CACNA1C: variants seen among roughly 807,000 people sequenced by gnomAD.
The protein encoded by CACNA1C is voltage-dependent L-type calcium channel subunit alpha-1C.
Under a neutral mutation model 229.0 loss-of-function variants are expected in CACNA1C, and 30 were observed. The observed-to-expected ratio is 0.13, with a 90% CI of 0.10 to 0.18. The LOEUF (loss-of-function observed/expected upper bound fraction) is 0.18, where lower values mean the gene tolerates loss of function less well. CACNA1C is among the 10% of genes least tolerant of loss of function. The pLI is 1.00. For missense variants in CACNA1C, 1,658 were observed against 2,845.0 expected (o/e 0.58, Z 9.49); for synonymous variants, 1,114 against 1,132.5 (o/e 0.98, Z 0.33).
At chr12:2,226,633 T>C (rs2154356567) in intron 3 of CACNA1C, among the ~76,000 whole-genome samples, 1 of 152,356 alleles carries the variant, frequency 6.6e-6, no homozygotes, top group African/African-American at 2.4e-5. Flanking sequence ...CTTGCTGCTC[T>C]TAATAATTAC....
intron 3 of CACNA1C, among the ~76,000 whole-genome samples, chr12:2,316,231 C>T (rs1356098662): frequency 4.6e-5 from 7 of 152,344 alleles, no homozygotes; most frequent in African/African-American, 1.4e-4. Context: ...AATTTAATTC[C>T]ACCTTTGCCA....
At chr12:2,063,022 A>T (rs1365055047) in intron 1 of CACNA1C, among the ~76,000 whole-genome samples, 1 of 152,088 alleles carries the variant, frequency 6.6e-6, no homozygotes, top group Non-Finnish European at 1.5e-5. Context: ...CAATATTTTC[A>T]TCACCCGCAA....
rs1431941677 is a variant in CACNA1C, at chr12:2,606,671, G to A, written c.3209+8G>A. On this transcript the variant is annotated splice_region_variant and intron_variant, in intron 25 of 46. Transcript: ENST00000399655. ...GACAGAGGCGGAATGCAAGTGAGTA[G>A]AGGTGGGAGGGCAGCCAGGGCCACG... 6.2e-7 allele frequency: 1 copy of A among 1,607,570 alleles called. No homozygotes were observed. Among genetic ancestry groups the A allele is most frequent in the South Asian group, 1.1e-5 (1 of 89,412 alleles).
intron 43 of CACNA1C, among the ~76,000 whole-genome samples, chr12:2,683,144 C>T (rs570027110): frequency 2.6e-5 from 4 of 152,260 alleles, no homozygotes; most frequent in Admixed American, 1.3e-4. Context: ...GTCCTTGCTG[C>T]CATTCTTAGA....
At chr12:2,051,562 G>GT (rs1283647234), upstream of CACNA1C, among the ~76,000 whole-genome samples, 1 of 152,184 alleles carries the variant, frequency 6.6e-6, no homozygotes, top group Non-Finnish European at 1.5e-5. Flanking sequence ...AAGGATGCTG[G>GT]TTCAGCCCCA....
intron 1 of CACNA1C, among the ~76,000 whole-genome samples, chr12:1,979,165 A>G (rs1212674589): frequency 6.6e-6 from 1 of 152,142 alleles, no homozygotes; most frequent in Non-Finnish European, 1.5e-5. Context: ...CGTGCCCGCC[A>G]TCGAGCCTGG....
intron 8 of CACNA1C, among the ~76,000 whole-genome samples, chr12:2,509,797 A>C (rs1307516568): frequency 6.6e-6 from 1 of 152,212 alleles, no homozygotes; most frequent in African/African-American, 2.4e-5. Flanking sequence ...TTGGGAAGGC[A>C]GAACTCTACA....
chr12:2,486,027 G>A lies in CACNA1C; in HGVS notation c.758-77G>A. The A allele has an allele frequency of 8.2e-7, 1 of 1,219,128 alleles. No individual in the cohort carries two copies. Among genetic ancestry groups the A allele is most frequent in the Middle Eastern group, 2.2e-4 (1 of 4,548 alleles). The allele number at this position is 1,219,128 out of a possible 1,614,324, so 75.5% of individuals were successfully genotyped here. A position where few individuals can be genotyped will look rare whatever the true frequency, so the allele number is the denominator to read the frequency against. ...CTGGCAGTTCCTTCCTTGCAGAGTT[G>A]CTGGAAGATTGCATGAGATGGCGTC... is the stretch of plus-strand genomic sequence containing the variant. On this transcript the variant is annotated intron_variant, in intron 5 of 46. Coordinates refer to ENST00000399655, the MANE Select transcript of CACNA1C (RefSeq NM_000719.7). The surrounding 1 kb of genome is among the most constrained non-coding windows in gnomAD (Gnocchi z 4.9).
At chr12:2,477,542 G>T (rs1413456779) in intron 5 of CACNA1C, among the ~76,000 whole-genome samples, 2 of 152,176 alleles carry the variant, frequency 1.3e-5, no homozygotes, top group Non-Finnish European at 2.9e-5. Context: ...TCTGGCTGGG[G>T]AGTCGACCAG....
chr12:2,192,129 C>G (rs74062244), intron 3 of CACNA1C, among the ~76,000 whole-genome samples: 3,041 of 152,268 alleles, frequency 0.02, 122 homozygotes, highest in African/African-American at 0.07. Flanking sequence ...CCCTCCCTCT[C>G]ACGGTTTTTG....
At chr12:2,118,493 G>C (rs2085024012) in intron 2 of CACNA1C, among the ~76,000 whole-genome samples, 1 of 152,232 alleles carries the variant, frequency 6.6e-6, no homozygotes, top group Admixed American at 6.5e-5. Flanking sequence ...CACTGAGACT[G>C]CCTGAGCTTG....
chr12:2,277,348 CAGACAGACAGACAG>C (rs1192155594), intron 3 of CACNA1C, among the ~76,000 whole-genome samples: 1 of 77,762 alleles, frequency 1.3e-5, no homozygotes, highest in South Asian at 4.4e-4. Flanking sequence ...GACAGACAGA[CAGACAGACAGACAG>C]ACACACACAC....
chr12:2,588,254 C>T (rs1225477267), intron 18 of CACNA1C, among the ~76,000 whole-genome samples: 11 of 152,356 alleles, frequency 7.2e-5, no homozygotes, highest in Middle Eastern at 6.8e-3. Context: ...TGCTCCCAAC[C>T]GCTGCCCCTT....
intron 4 of CACNA1C, among the ~76,000 whole-genome samples, chr12:2,450,580 G>A (rs4765684): frequency 0.33 from 36,762 of 112,410 alleles, 6,169 homozygotes; most frequent in East Asian, 0.73. Context: ...AAAAAAAAAC[G>A]CAGGTGATGA....
intron 8 of CACNA1C, among the ~76,000 whole-genome samples, chr12:2,505,669 G>A (rs541170189): frequency 6.6e-6 from 1 of 152,154 alleles, no homozygotes; most frequent in Non-Finnish European, 1.5e-5. Context: ...CATGGTAGAA[G>A]TAGCACGTGG....
At chr12:2,574,802 G>T (rs563993298) in intron 13 of CACNA1C, among the ~76,000 whole-genome samples, 2 of 152,362 alleles carry the variant, frequency 1.3e-5, no homozygotes, top group African/African-American at 4.8e-5. Flanking sequence ...AGTCTGTTTG[G>T]CAGATGCCCA....
chr12:2,052,758 C>T (rs1051051530), upstream of CACNA1C, among the ~76,000 whole-genome samples: 1 of 145,610 alleles, frequency 6.9e-6, no homozygotes, highest in African/African-American at 2.5e-5. Context: ...GCTCGGGCGG[C>T]GCTGCCGCGG....
At chr12:2,424,037 C>G (rs989652925) in intron 3 of CACNA1C, among the ~76,000 whole-genome samples, 1 of 151,960 alleles carries the variant, frequency 6.6e-6, no homozygotes, top group Non-Finnish European at 1.5e-5. Flanking sequence ...AGTGTTTCTT[C>G]AGTAACCCGC....
At chr12:2,464,478 G>A (rs1052928071) in intron 5 of CACNA1C, among the ~76,000 whole-genome samples, 6 of 152,106 alleles carry the variant, frequency 3.9e-5, no homozygotes, top group Admixed American at 1.3e-4. Flanking sequence ...GAATATCTCC[G>A]AATCAGAGCA....
Sources: gnomAD v4.1 joint callset for allele counts (sites outside exome capture counted in the v4.1 genomes callset) on GRCh38, gnomAD v4.1.1 for gene constraint, Gnocchi (gnomAD v3.1) non-coding constraint, MANE v1.5 for transcripts, NCBI Gene and HGNC (gene_info 2026-07-23, HGNC 2026-07-21) for gene names.